Variants in PELI1 observed in about 807,000 individuals in gnomAD.
The protein encoded by PELI1 is pellino E3 ubiquitin protein ligase 1.
In PELI1, 15 loss-of-function variants were observed where a neutral mutation model predicts 41.3. That is an observed-to-expected ratio of 0.36 (90% CI 0.24 to 0.56). PELI1 has a LOEUF of 0.56. Ranked by LOEUF, PELI1 falls within the 20% of genes least tolerant of loss-of-function variation. The pLI is 0.82. For missense variants in PELI1, 403 were observed against 525.5 expected, an observed-to-expected ratio of 0.77 and a Z score of 2.28; for synonymous variants, 178 against 180.1, an observed-to-expected ratio of 0.99 and a Z score of 0.09.
chr2:64,105,067 C>CA (rs761545140), intron 2 of PELI1, among the ~76,000 whole-genome samples: 79 of 152,138 alleles, frequency 5.2e-4, no homozygotes, highest in Non-Finnish European at 1.1e-3. Context: ...GGATTATACA[C>CA]AGATTCGTGT....
At chr2:64,110,394 G>A (rs1680773615) in intron 1 of PELI1, among the ~76,000 whole-genome samples, 1 of 152,040 alleles carries the variant, frequency 6.6e-6, no homozygotes, top group South Asian at 2.1e-4. Context: ...TTTTTCAGGT[G>A]CTGACAAAAA....
Position 64,140,794 on chromosome 2 carries a change from AAAAAACAAACAAAC to A in PELI1, c.-70+3273_-70+3286del, listed in dbSNP as rs1174098492. The stretch of plus-strand genomic sequence containing the variant: ...TCTACTCAAGACAACATGCAAAAAA[AAAAAACAAACAAAC>A]AAAAAAAAACCTAGGGGCAGAACTT... On this transcript the variant is annotated intron_variant, in intron 1 of 6. Coordinates refer to ENST00000358912, the MANE Select transcript of PELI1 (RefSeq NM_020651.4). Among the ~76,000 whole-genome samples, 583 of 140,228 alleles carry A rather than the reference AAAAAACAAACAAAC, an allele frequency of 4.2e-3. 98 individuals are homozygous for A. Among genetic ancestry groups the A allele is most frequent in the African/African-American group, 0.013 (487 of 36,204 alleles). The allele number at this position is 140,228 out of a possible 152,430, so 92.0% of individuals were successfully genotyped here.
Position 64,124,402 on chromosome 2 carries a change from G to A in PELI1, c.-69-16023C>T, listed in dbSNP as rs1181598826. Among the ~76,000 whole-genome samples the A allele has an allele frequency of 2.0e-5, 3 of 152,142 alleles. 1 individual carries two copies. Among genetic ancestry groups the A allele is most frequent in the Non-Finnish European group, 4.4e-5 (3 of 68,022 alleles). On this transcript the variant is annotated intron_variant, in intron 1 of 6. Coordinates refer to ENST00000358912, the MANE Select transcript of PELI1 (RefSeq NM_020651.4). ...TAGACTCAAGGTTCACTGGAAGCTG[G>A]CACATACCTCTGGAATTCAAATATA...
intron 3 of PELI1, among the ~76,000 whole-genome samples, chr2:64,101,026 G>A (rs1405749519): frequency 6.6e-6 from 1 of 152,008 alleles, no homozygotes; most frequent in Non-Finnish European, 1.5e-5. Context: ...CACTGCGCCC[G>A]GCCCATAATT....
At chr2:64,106,700 C>A (rs931705259) in intron 2 of PELI1, among the ~76,000 whole-genome samples, 2 of 152,054 alleles carry the variant, frequency 1.3e-5, no homozygotes, top group Non-Finnish European at 2.9e-5. Flanking sequence ...AGTGACTTGC[C>A]CAAGGTCACA....
chr2:64,111,741 C>T (rs1680812821), intron 1 of PELI1, among the ~76,000 whole-genome samples: 1 of 152,112 alleles, frequency 6.6e-6, no homozygotes, highest in African/African-American at 2.4e-5. Context: ...AATTTTGGTT[C>T]CATATAATAA....
At chr2:64,123,450 TA>T (rs771071901) in intron 1 of PELI1, among the ~76,000 whole-genome samples, 8 of 152,206 alleles carry the variant, frequency 5.3e-5, no homozygotes, top group Non-Finnish European at 1.0e-4. Context: ...CTAGAATACC[TA>T]AAAAGGTCTC....
intron 1 of PELI1, among the ~76,000 whole-genome samples, chr2:64,134,962 T>G (rs923098977): frequency 6.6e-6 from 1 of 152,170 alleles, no homozygotes; most frequent in Non-Finnish European, 1.5e-5. Context: ...CACTTCATAA[T>G]TCATTCTTGT....
At chr2:64,120,821 G>A (rs1259192022) in intron 1 of PELI1, among the ~76,000 whole-genome samples, 1 of 152,100 alleles carries the variant, frequency 6.6e-6, no homozygotes, top group Non-Finnish European at 1.5e-5. Context: ...ACTTTTGGTG[G>A]TGCTAAGTTT....
intron 1 of PELI1, among the ~76,000 whole-genome samples, chr2:64,124,548 A>C (rs1681326943): frequency 6.6e-6 from 1 of 152,216 alleles, no homozygotes; most frequent in Non-Finnish European, 1.5e-5. Flanking sequence ...CTACAAGATA[A>C]ATTTTCACAA....
intron 1 of PELI1, among the ~76,000 whole-genome samples, chr2:64,126,139 G>C (rs149207542): frequency 8.5e-5 from 13 of 152,200 alleles, no homozygotes; most frequent in African/African-American, 2.9e-4. Context: ...TTTGATGTTG[G>C]AGCAGTTCTT....
At chr2:64,138,432 TA>T (rs1681788480) in intron 1 of PELI1, among the ~76,000 whole-genome samples, 1 of 152,170 alleles carries the variant, frequency 6.6e-6, no homozygotes, top group South Asian at 2.1e-4. Flanking sequence ...CACTACCCTT[TA>T]AAACTGCATC....
intron 3 of PELI1, 177 bp downstream of exon 3, chr2:64,104,524 T>C: frequency 1.0e-6 from 1 of 958,966 alleles, no homozygotes; most frequent in Non-Finnish European, 1.4e-6. Flanking sequence ...AAAGTCCAAT[T>C]CCCCTTCCAT....
chr2:64,115,144 A>C (rs1400842645), intron 1 of PELI1, among the ~76,000 whole-genome samples: 1 of 152,180 alleles, frequency 6.6e-6, no homozygotes, highest in Non-Finnish European at 1.5e-5. Context: ...TGTACATTTA[A>C]AATATTTTAA....
chr2:64,094,261 TTC>T lies in PELI1; in HGVS notation c.*439_*440del. ...TTACCATGCTACTCTATCAAGAACATTCTAAGGTATTTTCTATAATAAAGATA... is the reference window on the plus strand; with the variant it reads ...TTACCATGCTACTCTATCAAGAACATTAAGGTATTTTCTATAATAAAGATA... On this transcript the variant is annotated 3_prime_UTR_variant, in exon 7 of 7. Coordinates refer to ENST00000358912, the MANE Select transcript of PELI1 (RefSeq NM_020651.4). 6.3e-6 allele frequency: 1 copy of T among 158,866 alleles called. No individual in the cohort carries two copies. Among genetic ancestry groups the T allele is most frequent in the Non-Finnish European group, 1.4e-5 (1 of 71,870 alleles). 9.8% of individuals were successfully genotyped at this position (158,866 alleles called of 1,614,324 possible).
At chr2:64,110,637 A>G (rs1680780385) in intron 1 of PELI1, among the ~76,000 whole-genome samples, 2 of 152,206 alleles carry the variant, frequency 1.3e-5, no homozygotes, top group South Asian at 2.1e-4. Flanking sequence ...AGTGAAAACT[A>G]TAATACAGTT....
Position 64,096,307 on chromosome 2 carries a change from C to A in PELI1, c.508G>T (p.Ala170Ser), listed in dbSNP as rs748890842. Residue 170 changes from alanine to serine, a missense_variant, in exon 6 of 7, where the codon GCT becomes TCT. Ala to Ser is a moderately conservative substitution (Grantham distance 99). Transcript: ENST00000358912. ...CCATCTGATGTCTTCCATTTGGCAG[C>A]CTTCTCCTAGTAGAAATAATAGCAG... is the stretch of plus-strand genomic sequence containing the variant. ...SSKNIFLGEK[A>S]AKWKTSDGQM... 6.2e-7 allele frequency: 1 copy of A among 1,613,526 alleles called. No individual in the cohort carries two copies. The highest frequency in any genetic ancestry group is 8.5e-7 in the Non-Finnish European group (1 of 1,179,686).
chr2:64,111,718 T>G (rs2103697596), intron 1 of PELI1, among the ~76,000 whole-genome samples: 1 of 152,284 alleles, frequency 6.6e-6, no homozygotes, highest in East Asian at 1.9e-4. Context: ...AACAATTAAA[T>G]CAACCAAAGA....
chr2:64,133,412 T>A (rs1056492412), intron 1 of PELI1, among the ~76,000 whole-genome samples: 2 of 152,210 alleles, frequency 1.3e-5, no homozygotes, highest in Non-Finnish European at 2.9e-5. Context: ...AGACCCAATA[T>A]AGCTGAGATG....
Sources: allele counts gnomAD v4.1 joint callset (sites outside exome capture counted in the v4.1 genomes callset), GRCh38; gene constraint gnomAD v4.1.1; transcripts MANE v1.5; gene names NCBI Gene and HGNC (gene_info 2026-07-23, HGNC 2026-07-21).